EDARADD: variants seen among roughly 807,000 people sequenced by gnomAD.
The protein encoded by EDARADD is ectodysplasin-A receptor-associated adapter protein.
EDARADD carries 20 observed loss-of-function variants against 25.6 expected under a neutral mutation model. The ratio of observed to expected loss-of-function variants is 0.78; its 90% CI spans 0.55 to 1.14. The LOEUF (loss-of-function observed/expected upper bound fraction) is 1.14. EDARADD is among the 50% of genes most tolerant of loss of function. The probability of loss-of-function intolerance (pLI) is 0.00; values close to 1 mark genes in which losing one functional copy is unlikely to be tolerated. For synonymous variants in EDARADD, 86 were observed against 94.4 expected (o/e 0.91, Z 0.52); for missense variants, 225 against 270.1 (o/e 0.83, Z 1.17).
intron 2 of EDARADD, among the ~76,000 whole-genome samples, chr1:236,410,036 A>G (rs1215420709): frequency 6.6e-6 from 1 of 152,040 alleles, no homozygotes; most frequent in Non-Finnish European, 1.5e-5. Flanking sequence ...CTTTAAGGGT[A>G]TCCAAAGATT....
Position 236,484,001 on chromosome 1 carries a change from G to A in EDARADD, c.*1352G>A. Reference sequence around the variant, plus strand: ...TCTCACCTGACTGTCTGGCTGACCTGTACAAGTCCTTCATCAAAAACTACC... The same window carrying A: ...TCTCACCTGACTGTCTGGCTGACCTATACAAGTCCTTCATCAAAAACTACC... On this transcript the variant is annotated 3_prime_UTR_variant, in exon 6 of 6. Transcript: ENST00000334232. This position sits in a 1 kb window ranked among gnomAD's most constrained non-coding sequence, Gnocchi z 4.1. The A allele has an allele frequency of 7.0e-7, 1 of 1,432,532 alleles. No individual in the cohort carries two copies. The highest frequency in any genetic ancestry group is 9.8e-7 in the Non-Finnish European group (1 of 1,016,806). The allele number at this position is 1,432,532 out of a possible 1,614,324, so 88.7% of individuals were successfully genotyped here.
intron 4 of EDARADD, among the ~76,000 whole-genome samples, chr1:236,451,397 G>A (rs1217297798): frequency 6.6e-6 from 1 of 152,072 alleles, no homozygotes; most frequent in Non-Finnish European, 1.5e-5. Context: ...GTATTTGTCT[G>A]TCATCCAGTT....
At chr1:236,433,895 A>AC (rs944375787) in intron 4 of EDARADD, among the ~76,000 whole-genome samples, 4 of 151,114 alleles carry the variant, frequency 2.6e-5, no homozygotes, top group African/African-American at 9.7e-5. Context: ...ACAAACAAAA[A>AC]AAACAAAAAA....
Position 236,394,318 on chromosome 1 carries a change from A to G in EDARADD, c.-127A>G, listed in dbSNP as rs976693502. 1.0e-5 allele frequency: 11 copies of G among 1,064,320 alleles called. No homozygotes were observed. Among genetic ancestry groups the G allele is most frequent in the African/African-American group, 3.1e-5 (2 of 64,318 alleles). The allele number at this position is 1,064,320 out of a possible 1,614,324, so 65.9% of individuals were successfully genotyped here. A position where few individuals can be genotyped will look rare whatever the true frequency, so the allele number is the denominator to read the frequency against. On this transcript the variant is annotated 5_prime_UTR_variant, in exon 1 of 6. Coordinates refer to ENST00000334232, the MANE Select transcript of EDARADD (RefSeq NM_145861.4). Reference sequence around the variant, plus strand: ...GAGGAAGTTTATCCTCCCACCTACAAATTCCCCAGAGAGCTTTCATCTAGA... The same window carrying G: ...GAGGAAGTTTATCCTCCCACCTACAGATTCCCCAGAGAGCTTTCATCTAGA...
intron 3 of EDARADD, among the ~76,000 whole-genome samples, chr1:236,371,446 TG>T (rs1438348841): frequency 6.6e-6 from 1 of 152,180 alleles, no homozygotes; most frequent in Non-Finnish European, 1.5e-5. Context: ...TGCCTTAGCT[TG>T]GACTTCCAGT....
chr1:236,406,069 C>A (rs1667734228), intron 1 of EDARADD, among the ~76,000 whole-genome samples: 1 of 151,542 alleles, frequency 6.6e-6, no homozygotes, highest in South Asian at 2.1e-4. Context: ...GCTCCACACT[C>A]CAAACCCATT....
At chr1:236,405,915 TTCTTTCTTTC>T (rs1453862703) in intron 1 of EDARADD, among the ~76,000 whole-genome samples, 4,333 of 57,768 alleles carry the variant, frequency 0.075, 245 homozygotes, top group Non-Finnish European at 0.11. Context: ...CTTTCTTTCT[TTCTTTCTTTC>T]TCTTTCCTTT....
intron 4 of EDARADD, among the ~76,000 whole-genome samples, chr1:236,461,349 G>A (rs1659033482): frequency 1.3e-5 from 2 of 152,158 alleles, no homozygotes; most frequent in East Asian, 3.8e-4. Context: ...TAGGGGTCTA[G>A]TTTCATTCTT....
chr1:236,420,057 G>A (rs987607658), intron 3 of EDARADD, among the ~76,000 whole-genome samples: 1 of 152,108 alleles, frequency 6.6e-6, no homozygotes, highest in African/African-American at 2.4e-5. Context: ...GTGGTGGCAC[G>A]CACCTGTAAT....
intron 3 of EDARADD, among the ~76,000 whole-genome samples, chr1:236,424,668 C>G (rs547349355): frequency 4.7e-4 from 72 of 152,174 alleles, no homozygotes; most frequent in African/African-American, 1.7e-3. Context: ...AAACTGTGGG[C>G]TTGTGTCAGG....
intron 3 of EDARADD, among the ~76,000 whole-genome samples, chr1:236,384,822 C>T (rs6695464): frequency 0.77 from 116,444 of 151,700 alleles, 46,111 homozygotes; most frequent in East Asian, 0.92. Flanking sequence ...ACAATAATTT[C>T]ATTGCCTATT....
chr1:236,361,791 A>G (rs1354794964), intron 3 of EDARADD, among the ~76,000 whole-genome samples: 1 of 151,148 alleles, frequency 6.6e-6, no homozygotes, highest in South Asian at 2.1e-4. Flanking sequence ...CTATACCACA[A>G]TTTGTTTATT....
At chr1:236,403,984 A>G (rs1335638588) in intron 1 of EDARADD, among the ~76,000 whole-genome samples, 3 of 152,120 alleles carry the variant, frequency 2.0e-5, no homozygotes, top group African/African-American at 4.8e-5. Context: ...AGAGTCACCG[A>G]CCTGGGGGAG....
intron 2 of EDARADD, among the ~76,000 whole-genome samples, chr1:236,349,727 T>C (rs1460025479): frequency 6.6e-6 from 1 of 151,744 alleles, no homozygotes; most frequent in East Asian, 1.9e-4. Flanking sequence ...GGTTGTAAAA[T>C]GTTTCTTATC....
intron 3 of EDARADD, among the ~76,000 whole-genome samples, chr1:236,368,589 C>T (rs1205292631): frequency 2.0e-5 from 3 of 151,888 alleles, no homozygotes; most frequent in Admixed American, 6.6e-5. Flanking sequence ...TACAGGCAGG[C>T]GCCACCACAC....
At chr1:236,463,102 A>G (rs888343505) in intron 4 of EDARADD, among the ~76,000 whole-genome samples, 2 of 152,098 alleles carry the variant, frequency 1.3e-5, no homozygotes, top group Non-Finnish European at 1.5e-5. Context: ...GAGATGCTGC[A>G]TTTTTTCCAT....
chr1:236,405,926 TCTTTCC>T (rs1200326633), intron 1 of EDARADD, among the ~76,000 whole-genome samples: 1 of 15,444 alleles, frequency 6.5e-5, no homozygotes, highest in South Asian at 2.0e-3. Flanking sequence ...TCTTTCTTTC[TCTTTCC>T]TTTTTTTTTT....
intron 3 of EDARADD, among the ~76,000 whole-genome samples, chr1:236,367,257 T>C (rs1466649277): frequency 2.3e-5 from 3 of 131,274 alleles, no homozygotes; most frequent in African/African-American, 8.8e-5. Context: ...TTAGACGGAG[T>C]CTCGCTCTGT....
At chr1:236,355,969 C>CA (rs1447260625) in intron 3 of EDARADD, among the ~76,000 whole-genome samples, 8 of 151,806 alleles carry the variant, frequency 5.3e-5, no homozygotes, top group Non-Finnish European at 1.0e-4. Flanking sequence ...GTATCACAGG[C>CA]AAAAAATATA....
Sources: allele counts gnomAD v4.1 joint callset (sites outside exome capture counted in the v4.1 genomes callset), GRCh38; gene constraint gnomAD v4.1.1; non-coding constraint Gnocchi (gnomAD v3.1); transcripts MANE v1.5; gene names NCBI Gene and HGNC (gene_info 2026-07-23, HGNC 2026-07-21).